CEP104: variants seen among roughly 807,000 people sequenced by gnomAD.
The protein encoded by CEP104 is centrosomal protein of 104 kDa.
Under a neutral mutation model 113.3 loss-of-function variants are expected in CEP104, and 84 were observed. The ratio of observed to expected loss-of-function variants is 0.74; its 90% CI spans 0.62 to 0.89. The LOEUF (loss-of-function observed/expected upper bound fraction) is 0.89, where lower values mean the gene tolerates loss of function less well. Ranked by LOEUF, CEP104 falls within the 40% of genes least tolerant of loss-of-function variation. The pLI is 0.00. For synonymous variants in CEP104, 378 were observed against 421.7 expected (o/e 0.90, Z 1.27); for missense variants, 1,053 against 1,156.6 (o/e 0.91, Z 1.30).
Position 3,829,144 on chromosome 1 carries a change from A to C in CEP104, c.2151+122T>G, listed in dbSNP as rs1644149524. ...ACCCCAAAACTAACCTAAAAAACCA[A>C]AAGGAATCAAGACGCTCATTTGCAT... On this transcript the variant is annotated intron_variant, in intron 15 of 21. Transcript: ENST00000378230. The C allele has an allele frequency of 1.0e-5, 7 of 696,672 alleles. No homozygotes were observed. The South Asian group carries it at 1.7e-4, about 17-fold the overall frequency. 43.2% of individuals were successfully genotyped at this position (696,672 alleles called of 1,614,324 possible).
At position 3,813,969 on chromosome 1, in the gene CEP104, T is replaced by A. The variant is rs1016745171; in HGVS notation, c.*1433A>T. The A allele has an allele frequency of 3.3e-5, 5 of 152,210 alleles. No homozygotes were observed. The highest frequency in any genetic ancestry group is 1.2e-4 in the African/African-American group (5 of 41,450). The allele number at this position is 152,210 out of a possible 1,614,324, so 9.4% of individuals were successfully genotyped here. A position where few individuals can be genotyped will look rare whatever the true frequency, so the allele number is the denominator to read the frequency against. On this transcript the variant is annotated 3_prime_UTR_variant, in exon 22 of 22. Coordinates refer to ENST00000378230, the MANE Select transcript of CEP104 (RefSeq NM_014704.4). Reference sequence around the variant, plus strand: ...TTAGTTTACCAAACGTGGAGATTAATTCATGCAAATTTATGGTTATTAATG... The same window carrying A: ...TTAGTTTACCAAACGTGGAGATTAAATCATGCAAATTTATGGTTATTAATG...
At chr1:3,847,066 T>C (rs571053363) in intron 4 of CEP104, among the ~76,000 whole-genome samples, 27 of 152,380 alleles carry the variant, frequency 1.8e-4, no homozygotes, top group African/African-American at 6.3e-4. Flanking sequence ...GTGAGCCACA[T>C]ATGTCATTAA....
chr1:3,826,235 G>C (rs902598537), intron 17 of CEP104, 135 bp downstream of exon 17: 9 of 724,506 alleles, frequency 1.2e-5, no homozygotes, highest in Middle Eastern at 4.8e-4. Context: ...ATGCTGGTTA[G>C]TGCAGAAGGC....
chr1:3,845,776 T>G (rs933576222), intron 4 of CEP104, among the ~76,000 whole-genome samples: 1 of 152,226 alleles, frequency 6.6e-6, no homozygotes, highest in African/African-American at 2.4e-5. Flanking sequence ...ATTCTAATGC[T>G]AACCAAATGG....
chr1:3,852,375 G>A lies in CEP104; in HGVS notation c.33C>T (p.Ser11=), dbSNP rs750758036. ...TGAAGCCGTCTTCGTGTCCAGATGA[G>A]CTGACGACTACAAATCCAATCTTGT... The part of the protein sequence containing the change: MPHKIGFVVV[S]SSGHEDGFSA... The change falls in exon 2 of 22, where the codon AGC becomes AGT. Residue 11 remains serine (S), a synonymous_variant. Coordinates refer to ENST00000378230, the MANE Select transcript of CEP104 (RefSeq NM_014704.4). The A allele has an allele frequency of 1.5e-5, 25 of 1,614,116 alleles. No homozygotes were observed. The highest frequency in any genetic ancestry group is 1.9e-5 in the Non-Finnish European group (23 of 1,180,024).
intron 17 of CEP104, 31 bp downstream of exon 17, chr1:3,826,339 C>G (rs199865675): frequency 2.5e-6 from 4 of 1,602,690 alleles, no homozygotes; most frequent in African/African-American, 1.3e-5. Context: ...CCCTGACCAT[C>G]GTACAATGGG....
At position 3,847,625 on chromosome 1, in the gene CEP104, A is replaced by C; in HGVS notation, c.288-12T>G. The C allele has an allele frequency of 6.2e-7, 1 of 1,614,062 alleles. No individual in the cohort carries two copies. The highest frequency in any genetic ancestry group is 8.5e-7 in the Non-Finnish European group (1 of 1,179,980). On this transcript the variant is annotated splice_polypyrimidine_tract_variant and intron_variant, in intron 3 of 21. Coordinates refer to ENST00000378230, the MANE Select transcript of CEP104 (RefSeq NM_014704.4). ...AGAGAGACACGTAGCTGAAAAACAA[A>C]ACACAACTGAAGAATTTGAAAATGT...
intron 13 of CEP104, among the ~76,000 whole-genome samples, chr1:3,830,669 G>T (rs969352285): frequency 4.0e-5 from 6 of 151,450 alleles, no homozygotes; most frequent in Non-Finnish European, 8.8e-5. Flanking sequence ...CCAGCTACTT[G>T]GGAGGCTGAG....
chr1:3,814,454 T>C lies in CEP104; in HGVS notation c.*948A>G, dbSNP rs1643842857. 1.3e-5 allele frequency: 2 copies of C among 152,366 alleles called. No homozygotes were observed. The highest frequency in any genetic ancestry group is 6.5e-5 in the Admixed American group (1 of 15,308). The allele number at this position is 152,366 out of a possible 1,614,324, so 9.4% of individuals were successfully genotyped here. On this transcript the variant is annotated 3_prime_UTR_variant, in exon 22 of 22. Transcript: ENST00000378230. ...ATGTTTTAAACATCCTATCAACTCT[T>C]TGAAGAAAGTAAACTTATGGATCCA... is the stretch of plus-strand genomic sequence containing the variant.
chr1:3,825,703 A>T, intron 18 of CEP104, 55 bp downstream of exon 18: 1 of 1,162,784 alleles, frequency 8.6e-7, no homozygotes, highest in Non-Finnish European at 1.3e-6. Flanking sequence ...CGGCCTTTCA[A>T]CAGCCAGGTG....
At chr1:3,834,455 G>A (rs554934744) in intron 11 of CEP104, among the ~76,000 whole-genome samples, 34 of 152,256 alleles carry the variant, frequency 2.2e-4, no homozygotes, top group Admixed American at 2.2e-3. Flanking sequence ...GCTTCAATGG[G>A]TAAGCCCAAA....
chr1:3,837,548 C>A (rs559514105), intron 8 of CEP104, 29 bp from the exon 9 acceptor site: 1 of 1,569,332 alleles, frequency 6.4e-7, no homozygotes, highest in Non-Finnish European at 8.8e-7. Flanking sequence ...CATTTAATTT[C>A]AAATGCCACT....
intron 15 of CEP104, among the ~76,000 whole-genome samples, chr1:3,828,220 T>C (rs1484186227): frequency 6.6e-6 from 1 of 152,178 alleles, no homozygotes; most frequent in African/African-American, 2.4e-5. Flanking sequence ...TCCCTTCAGT[T>C]TGCGACATCC....
intron 15 of CEP104, among the ~76,000 whole-genome samples, chr1:3,827,324 C>T (rs1187867822): frequency 6.6e-6 from 1 of 152,106 alleles, no homozygotes; most frequent in Non-Finnish European, 1.5e-5. Flanking sequence ...AAGCCATCCT[C>T]CTGCCCCAGC....
chr1:3,833,759 A>T, intron 12 of CEP104, 103 bp downstream of exon 12: 1 of 1,107,430 alleles, frequency 9.0e-7, no homozygotes, highest in Non-Finnish European at 1.3e-6. Context: ...GAATAATGTT[A>T]ACTGAGTAGA....
At chr1:3,847,261 C>T (rs1179892575) in intron 4 of CEP104, among the ~76,000 whole-genome samples, 1 of 150,802 alleles carries the variant, frequency 6.6e-6, no homozygotes, top group Non-Finnish European at 1.5e-5. Context: ...CTGGCAGCAG[C>T]TCTGGGCACT....
At chr1:3,849,545 C>T (rs1386468583) in intron 2 of CEP104, among the ~76,000 whole-genome samples, 4 of 152,176 alleles carry the variant, frequency 2.6e-5, no homozygotes, top group Non-Finnish European at 5.9e-5. Flanking sequence ...AGTAACACAA[C>T]GTATTAAATA....
Position 3,843,075 on chromosome 1 carries a change from A to G in CEP104, c.566+1832T>C, listed in dbSNP as rs111791550. 565 of 560,774 alleles carry G rather than the reference A, an allele frequency of 1.0e-3. 3 individuals are homozygous for G. In the African/African-American group the frequency reaches 0.01, roughly 10 times the overall value. The allele number at this position is 560,774 out of a possible 1,614,324, so 34.7% of individuals were successfully genotyped here. A position where few individuals can be genotyped will look rare whatever the true frequency, so the allele number is the denominator to read the frequency against. ...AGTGCTGGGATTACAGGCGTGCGAC[A>G]TAACGCTCAGCCTAAAAAACATTTC... On this transcript the variant is annotated intron_variant, in intron 6 of 21. Transcript: ENST00000378230.
chr1:3,816,351 A>G lies in CEP104; in HGVS notation c.2591T>C (p.Met864Thr), dbSNP rs764638504. ...PGEEAWKAHLMGPAGCTMNLR... is the reference protein window; with the variant it reads ...PGEEAWKAHLTGPAGCTMNLR... The stretch of plus-strand genomic sequence containing the variant: ...GTTCATCGTGCAGCCGGCTGGGCCC[A>G]TCAGGTGAGCTTTCCATGCCTGCAG... The change falls in exon 21 of 22, where the codon ATG becomes ACG. Residue 864 changes from methionine (M) to threonine (T), a missense_variant. Coordinates refer to ENST00000378230, the MANE Select transcript of CEP104 (RefSeq NM_014704.4). 1.9e-6 allele frequency: 3 copies of G among 1,552,556 alleles called. No individual in the cohort carries two copies. In the East Asian group the frequency reaches 7.3e-5, roughly 38 times the overall value.
Sources: allele counts gnomAD v4.1 joint callset (sites outside exome capture counted in the v4.1 genomes callset), GRCh38; gene constraint gnomAD v4.1.1; transcripts MANE v1.5; gene names NCBI Gene and HGNC (gene_info 2026-07-23, HGNC 2026-07-21).